The following ADAMTS12 variants were observed in gnomAD, a reference collection of about 807,000 sequenced individuals.
ADAMTS12 encodes ADAM metallopeptidase with thrombospondin type 1 motif 12.
A neutral mutation model predicts 167.8 loss-of-function variants in ADAMTS12; 118 were observed. That is an observed-to-expected ratio of 0.70 (90% CI 0.61 to 0.82). The LOEUF (loss-of-function observed/expected upper bound fraction) is 0.82. Among genes scored for constraint, ADAMTS12 ranks in the 40% least tolerant of loss-of-function variants. The probability of loss-of-function intolerance (pLI) is 0.00; values close to 1 mark genes in which losing one functional copy is unlikely to be tolerated. For missense variants in ADAMTS12, 1,916 were observed against 1,998.8 expected (o/e 0.96, Z 0.79); for synonymous variants, 704 against 716.9 (o/e 0.98, Z 0.29).
rs1579903483 is a variant in ADAMTS12, at chr5:33,749,936, C to T, written c.634+1468G>A. ...CACTCATTTCACAGAGCAAGGATGCCTACAGGAGTAAGTGTCCAGTCAAGA... is the reference window on the plus strand; with the variant it reads ...CACTCATTTCACAGAGCAAGGATGCTTACAGGAGTAAGTGTCCAGTCAAGA... On this transcript the variant is annotated intron_variant, in intron 3 of 23. Transcript: ENST00000504830. Among the ~76,000 whole-genome samples, 4 of 152,240 alleles carry T rather than the reference C, an allele frequency of 2.6e-5. 1 individual carries two copies. Among genetic ancestry groups the T allele is most frequent in the Admixed American group, 2.6e-4 (4 of 15,288 alleles).
chr5:33,536,070 A>G (rs747875756), intron 22 of ADAMTS12, among the ~76,000 whole-genome samples: 3 of 152,214 alleles, frequency 2.0e-5, no homozygotes, highest in Non-Finnish European at 4.4e-5. Context: ...ATGTGCCTGA[A>G]TTTACCACAT....
chr5:33,658,103 A>G, intron 7 of ADAMTS12, 81 bp downstream of exon 7: 1 of 1,536,342 alleles, frequency 6.5e-7, no homozygotes, highest in Non-Finnish European at 8.9e-7. Flanking sequence ...CCCCAATTTG[A>G]GGTGTGTTCA....
chr5:33,672,092 TCC>T (rs1741722572), intron 5 of ADAMTS12, among the ~76,000 whole-genome samples: 3 of 8,196 alleles, frequency 3.7e-4, no homozygotes, highest in African/African-American at 3.0e-4. Context: ...TACACACACA[TCC>T]ACACTCACAT....
At chr5:33,690,378 G>A (rs1249287254) in intron 3 of ADAMTS12, among the ~76,000 whole-genome samples, 1 of 151,974 alleles carries the variant, frequency 6.6e-6, no homozygotes. Flanking sequence ...GAAGCAACCT[G>A]AGTCTAAGTT....
intron 3 of ADAMTS12, among the ~76,000 whole-genome samples, chr5:33,727,968 G>T (rs1450883512): frequency 6.6e-6 from 1 of 152,148 alleles, no homozygotes; most frequent in East Asian, 1.9e-4. Flanking sequence ...TTTAATGCAA[G>T]CCCTCAATAG....
At chr5:33,713,653 A>G (rs1743490482) in intron 3 of ADAMTS12, among the ~76,000 whole-genome samples, 1 of 152,034 alleles carries the variant, frequency 6.6e-6, no homozygotes, top group African/African-American at 2.4e-5. Context: ...AAAAAAATTG[A>G]TGAGGAGAAG....
intron 3 of ADAMTS12, among the ~76,000 whole-genome samples, chr5:33,691,454 G>A (rs879941929): frequency 6.6e-6 from 1 of 152,210 alleles, no homozygotes; most frequent in African/African-American, 2.4e-5. Context: ...ATGAAGGGGA[G>A]CAAAGTCTTA....
intron 13 of ADAMTS12, 88 bp from the exon 14 acceptor site, chr5:33,624,439 C>T: frequency 6.4e-7 from 1 of 1,562,628 alleles, no homozygotes; most frequent in East Asian, 2.3e-5. Flanking sequence ...CCCTTTGGTG[C>T]TTCATAAGAC....
At chr5:33,639,679 G>A (rs973107220) in intron 11 of ADAMTS12, among the ~76,000 whole-genome samples, 6 of 152,316 alleles carry the variant, frequency 3.9e-5, no homozygotes, top group African/African-American at 1.4e-4. Flanking sequence ...CAAAGCCTGA[G>A]CTCTTATCCA....
chr5:33,560,939 G>A (rs968126320), intron 20 of ADAMTS12, 88 bp downstream of exon 20: 13 of 1,357,910 alleles, frequency 9.6e-6, no homozygotes, highest in South Asian at 4.3e-5. Flanking sequence ...AAAAAAAAAC[G>A]ACTTTAGCAA....
chr5:33,710,959 A>C (rs1299997838), intron 3 of ADAMTS12, among the ~76,000 whole-genome samples: 1 of 152,202 alleles, frequency 6.6e-6, no homozygotes, highest in East Asian at 1.9e-4. Flanking sequence ...TCCCCTGCAC[A>C]GATAGGCAGG....
At chr5:33,589,250 A>G (rs1747522427) in intron 17 of ADAMTS12, among the ~76,000 whole-genome samples, 1 of 152,248 alleles carries the variant, frequency 6.6e-6, no homozygotes, top group South Asian at 2.1e-4. Context: ...ACATATAACA[A>G]GAACTCAAGC....
rs138000281 is a variant in ADAMTS12 at position 33,649,342 on chromosome 5, G to A, written c.1334+212C>T. On this transcript the variant is annotated intron_variant, in intron 8 of 23. Transcript: ENST00000504830. ...GGAGCAATCTGGGATGGGACAGGATGCTCACCTGCCTGTGACAAGAGGGCA... is the reference window on the plus strand; with the variant it reads ...GGAGCAATCTGGGATGGGACAGGATACTCACCTGCCTGTGACAAGAGGGCA... Among the ~76,000 whole-genome samples the A allele has an allele frequency of 2.0e-5, 3 of 152,308 alleles. No individual in the cohort carries two copies. The East Asian group carries it at 5.8e-4, about 29-fold the overall frequency.
Position 33,753,194 on chromosome 5 carries a change from T to C in ADAMTS12, c.490-1646A>G, listed in dbSNP as rs11951095. 2.7e-3 allele frequency among the ~76,000 whole-genome samples: 414 copies of C among 152,276 alleles called. 1 individual carries two copies. The highest frequency in any genetic ancestry group is 9.6e-3 in the African/African-American group (399 of 41,548). ...TTGTAAAAGTGCCATGCAAACTGCTTTATAAATGCAGAGGGGTAATACTTT... is the reference window on the plus strand; with the variant it reads ...TTGTAAAAGTGCCATGCAAACTGCTCTATAAATGCAGAGGGGTAATACTTT... On this transcript the variant is annotated intron_variant, in intron 2 of 23. Transcript: ENST00000504830.
At chr5:33,711,212 C>T (rs1743391423) in intron 3 of ADAMTS12, among the ~76,000 whole-genome samples, 2 of 152,184 alleles carry the variant, frequency 1.3e-5, no homozygotes, top group East Asian at 3.9e-4. Flanking sequence ...TCCCAGAACC[C>T]TGAATCTCCT....
intron 2 of ADAMTS12, among the ~76,000 whole-genome samples, chr5:33,828,691 G>A (rs1203992129): frequency 6.6e-6 from 1 of 152,022 alleles, no homozygotes; most frequent in Non-Finnish European, 1.5e-5. Flanking sequence ...CATATTATAA[G>A]CCAGTTTTTC....
rs1175471498 is a variant in ADAMTS12, at chr5:33,826,592, A to G, written c.489+54527T>C. Among the ~76,000 whole-genome samples the G allele has an allele frequency of 3.3e-4, 49 of 150,044 alleles. 1 individual carries two copies. Among genetic ancestry groups the G allele is most frequent in the African/African-American group, 9.0e-4 (37 of 41,076 alleles). ...TGTGTATGTGTGTGTGTGTGTATATATATATATATATATAATTTTGAGTTT... is the reference window on the plus strand; with the variant it reads ...TGTGTATGTGTGTGTGTGTGTATATGTATATATATATATAATTTTGAGTTT... On this transcript the variant is annotated intron_variant, in intron 2 of 23. Transcript: ENST00000504830.
At chr5:33,823,424 T>C (rs1747937710) in intron 2 of ADAMTS12, among the ~76,000 whole-genome samples, 1 of 152,220 alleles carries the variant, frequency 6.6e-6, no homozygotes, top group South Asian at 2.1e-4. Flanking sequence ...CTCTCTTTTT[T>C]ATGTAGTTAT....
chr5:33,571,221 G>A (rs1746322206), intron 19 of ADAMTS12, among the ~76,000 whole-genome samples: 1 of 152,076 alleles, frequency 6.6e-6, no homozygotes, highest in South Asian at 2.1e-4. Flanking sequence ...CCCAGGAATT[G>A]AACTCAGCTC....
Sources: gnomAD v4.1 joint callset for allele counts (sites outside exome capture counted in the v4.1 genomes callset) on GRCh38, gnomAD v4.1.1 for gene constraint, MANE v1.5 for transcripts, NCBI Gene and HGNC (gene_info 2026-07-23, HGNC 2026-07-21) for gene names.